Variants in SUMF2 observed in about 807,000 individuals in gnomAD.
SUMF2 encodes sulfatase modifying factor 2.
In SUMF2, 45 loss-of-function variants were observed where a neutral mutation model predicts 44.8. The ratio of observed to expected loss-of-function variants is 1.00; its 90% confidence interval spans 0.79 to 1.29. The LOEUF is 1.29. Among genes scored for constraint, SUMF2 ranks in the 50% most tolerant of loss-of-function variants. SUMF2 has a pLI of 0.00. For synonymous variants in SUMF2, 148 were observed against 150.4 expected (o/e 0.98, Z 0.12); for missense variants, 418 against 389.9 (o/e 1.07, Z -0.61).
intron 5 of SUMF2, among the ~76,000 whole-genome samples, chr7:56,075,740 C>T (rs1452074640): frequency 2.0e-5 from 3 of 151,838 alleles, no homozygotes; most frequent in Non-Finnish European, 4.4e-5. Context: ...CTAACTCGGT[C>T]ATTTGTCATT....
At chr7:56,084,210 T>C (rs1796151732), downstream of SUMF2, 1 of 1,534,174 alleles carries the variant, frequency 6.5e-7, no homozygotes, top group South Asian at 1.2e-5. Context: ...AAGCACCATT[T>C]CTGTTCCATC....
chr7:56,072,348 C>G (rs1245723353), intron 2 of SUMF2, among the ~76,000 whole-genome samples: 1 of 151,128 alleles, frequency 6.6e-6, no homozygotes, highest in South Asian at 2.1e-4. Context: ...ATCACTTGAA[C>G]CTGGGAGGTG....
chr7:56,087,648 G>A, the SUMF2 span: 12 of 1,613,846 alleles, frequency 7.4e-6, no homozygotes, highest in African/African-American at 2.7e-5. Flanking sequence ...CTCCTTCAGC[G>A]TGGCTTCTCG....
In SUMF2 at chr7:56,068,435, T is replaced by G. The variant is rs759457774; in HGVS notation, c.68-47T>G. On this transcript the variant is annotated intron_variant, in intron 1 of 8. Transcript: ENST00000434526. ...ATATGATCCAAATATTACCACTTGT[T>G]TTATATATATGCATGTATTACTGGT... 3.9e-6 allele frequency: 6 copies of G among 1,526,474 alleles called. No individual in the cohort carries two copies. The South Asian group carries it at 6.1e-5, about 15-fold the overall frequency. The allele number at this position is 1,526,474 out of a possible 1,614,324, so 94.6% of individuals were successfully genotyped here.
chr7:56,065,620 C>CG (rs983896959), intron 1 of SUMF2, among the ~76,000 whole-genome samples: 2 of 151,766 alleles, frequency 1.3e-5, no homozygotes, highest in Middle Eastern at 3.2e-3. Flanking sequence ...TTTGGTGGGG[C>CG]GGGGGGCAAG....
chr7:56,085,735 C>T, the SUMF2 span, among the ~76,000 whole-genome samples: 772 of 151,850 alleles, frequency 5.1e-3, 2 homozygotes, highest in Middle Eastern at 0.02. Flanking sequence ...GAGGCCGAGG[C>T]GAGTGGATCA....
At chr7:56,087,683 G>A in the SUMF2 span, 2 of 1,613,968 alleles carry the variant, frequency 1.2e-6, no homozygotes, top group Admixed American at 3.3e-5. Flanking sequence ...CCTCCGGGCT[G>A]AAGCTGCCTC....
intron 2 of SUMF2, among the ~76,000 whole-genome samples, chr7:56,068,869 A>T (rs1388068828): frequency 2.1e-5 from 3 of 143,556 alleles, no homozygotes; most frequent in African/African-American, 7.6e-5. Flanking sequence ...CGCCCGGCTA[A>T]TTTTTTTTTT....
intron 2 of SUMF2, among the ~76,000 whole-genome samples, chr7:56,069,296 TAG>T (rs1795014501): frequency 6.6e-6 from 1 of 151,976 alleles, no homozygotes; most frequent in South Asian, 2.1e-4. Flanking sequence ...GACATCATAG[TAG>T]AGAGTCCTTT....
At chr7:56,081,216 G>A (rs1236531122), downstream of SUMF2, 1 of 1,613,758 alleles carries the variant, frequency 6.2e-7, no homozygotes, top group Non-Finnish European at 8.5e-7. The surrounding 1 kb of genome is among the most constrained non-coding windows in gnomAD (Gnocchi z 4.6). Flanking sequence ...AGGGGTCTCG[G>A]ATGACGATCT....
At chr7:56,083,190 T>C, downstream of SUMF2, 1 of 1,181,484 alleles carries the variant, frequency 8.5e-7, no homozygotes, top group Non-Finnish European at 1.2e-6. Flanking sequence ...ACAATTAAGT[T>C]AGGGGAGAAA....
At chr7:56,077,110 G>A (rs558249462) in intron 6 of SUMF2, among the ~76,000 whole-genome samples, 1 of 149,956 alleles carries the variant, frequency 6.7e-6, no homozygotes, top group Non-Finnish European at 1.5e-5. Context: ...GCAGTGGTGC[G>A]ATCTTGGCTC....
chr7:56,078,181 A>G lies in SUMF2; in HGVS notation c.671A>G (p.Asn224Ser), dbSNP rs1427576892. The G allele has an allele frequency of 6.2e-7, 1 of 1,611,208 alleles. No homozygotes were observed. The highest frequency in any genetic ancestry group is 8.5e-7 in the Non-Finnish European group (1 of 1,177,648). Residue 224 changes from asparagine to serine, a missense_variant, in exon 7 of 9, where the codon AAC (asparagine) becomes AGC (serine). By Grantham distance (46) the Asn-to-Ser change is conservative. Transcript: ENST00000434526. ...GTGAATGCTTTCCCCGCCCAGAACAACTACGGTAAGAGCTGTCTTGGGCTT... is the reference window on the plus strand; with the variant it reads ...GTGAATGCTTTCCCCGCCCAGAACAGCTACGGTAAGAGCTGTCTTGGGCTT... ...SPVNAFPAQN[N>S]YGLYDLLGNV...
At chr7:56,087,136 AG>A in the SUMF2 span, 1 of 787,904 alleles carries the variant, frequency 1.3e-6, no homozygotes, top group South Asian at 1.4e-5. Context: ...AAAAGCTGAC[AG>A]GGGAATCAGG....
chr7:56,087,052 A>G, the SUMF2 span: 1 of 1,598,174 alleles, frequency 6.3e-7, no homozygotes, highest in Non-Finnish European at 8.6e-7. Context: ...AGCTTGTCTC[A>G]AGTAGCAGGG....
At chr7:56,078,634 C>T in intron 8 of SUMF2, 126 bp downstream of exon 8, 1 of 1,156,548 alleles carries the variant, frequency 8.6e-7, no homozygotes, top group Non-Finnish European at 1.1e-6. Flanking sequence ...GTCCCAGCAC[C>T]TCCCTGAGCC....
intron 3 of SUMF2, chr7:56,073,852 G>GA (rs1378576099): frequency 1.1e-4 from 36 of 323,636 alleles, no homozygotes; most frequent in Admixed American, 3.7e-4. Context: ...ACAAAAAAAA[G>GA]AAAAAAAAGA....
chr7:56,064,332 G>A lies in SUMF2; in HGVS notation c.21G>A (p.Pro7=). 6.2e-7 allele frequency: 1 copy of A among 1,600,204 alleles called. No homozygotes were observed. Among genetic ancestry groups the A allele is most frequent in the African/African-American group, 1.3e-5 (1 of 74,880 alleles). Residue 7 remains proline (P), a synonymous_variant, in exon 1 of 9, where the codon CCG becomes CCA. Transcript: ENST00000434526. MARHGL[P]LLPLLSLLVG... ...TCCTGATGGCCCGGCATGGGTTACC[G>A]CTGCTGCCCCTGCTGTCGCTCCTGG...
At position 56,073,110 on chromosome 7, in the gene SUMF2, A is replaced by G; in HGVS notation, c.338A>G (p.Lys113Arg). 6.2e-7 allele frequency: 1 copy of G among 1,613,244 alleles called. No homozygotes were observed. The highest frequency in any genetic ancestry group is 8.5e-7 in the Non-Finnish European group (1 of 1,179,168). Residue 113 changes from lysine to arginine, a missense_variant and splice_region_variant, in exon 3 of 9, where the codon AAG becomes AGG. Lys to Arg is a conservative substitution (Grantham distance 26). Coordinates refer to ENST00000434526, the MANE Select transcript of SUMF2 (RefSeq NM_015411.4). ...AGAAACAAAGCCACCCAGCCAATGA[A>G]GGTGAGAGAACCTGGTCTTGCAGCT... ...ELRNKATQPM[K>R]SVLWWLPVEK...
Sources: gnomAD v4.1 joint callset for allele counts (sites outside exome capture counted in the v4.1 genomes callset) on GRCh38, gnomAD v4.1.1 for gene constraint, Gnocchi (gnomAD v3.1) non-coding constraint, MANE v1.5 for transcripts, NCBI Gene and HGNC (gene_info 2026-07-23, HGNC 2026-07-21) for gene names.